Variants in LAMA2 observed in about 807,000 individuals in gnomAD.
The protein encoded by LAMA2 is laminin subunit alpha-2.
In LAMA2, 269 loss-of-function variants were observed where a neutral mutation model predicts 364.8. The observed-to-expected ratio is 0.74, with a 90% CI of 0.67 to 0.82. The LOEUF is 0.82. LAMA2 is among the 40% of genes least tolerant of loss of function. The pLI is 0.00. For synonymous variants in LAMA2, 1,379 were observed against 1,370.6 expected, an observed-to-expected ratio of 1.01 and a Z score of -0.14; for missense variants, 3,807 against 3,873.2, an observed-to-expected ratio of 0.98 and a Z score of 0.45.
At chr6:129,340,023 A>G (rs1776173819) in intron 29 of LAMA2, among the ~76,000 whole-genome samples, 1 of 151,720 alleles carries the variant, frequency 6.6e-6, no homozygotes, top group Non-Finnish European at 1.5e-5. Flanking sequence ...AGAAAGAAAG[A>G]AAAAGAAAGA....
At chr6:129,344,412 A>G (rs1444999401) in intron 30 of LAMA2, among the ~76,000 whole-genome samples, 1 of 152,216 alleles carries the variant, frequency 6.6e-6, no homozygotes, top group Non-Finnish European at 1.5e-5. Flanking sequence ...GGTTACCCCC[A>G]AAAATGGTGG....
chr6:129,491,718 G>A (rs945231605), intron 56 of LAMA2, among the ~76,000 whole-genome samples, 183 bp from the exon 57 acceptor site: 4 of 152,200 alleles, frequency 2.6e-5, no homozygotes, highest in South Asian at 4.1e-4. Context: ...AAGAGTGAAC[G>A]AGGGAGTCAT....
chr6:129,465,865 G>C (rs962081866), intron 51 of LAMA2, among the ~76,000 whole-genome samples: 1 of 151,838 alleles, frequency 6.6e-6, no homozygotes, highest in African/African-American at 2.4e-5. Context: ...CTTTTATGTG[G>C]TCACAGACAT....
intron 58 of LAMA2, among the ~76,000 whole-genome samples, chr6:129,497,033 A>C (rs1785243118): frequency 6.6e-6 from 1 of 152,136 alleles, no homozygotes; most frequent in South Asian, 2.1e-4. Context: ...CTTTAACTTA[A>C]TTATTCTAGT....
chr6:129,360,663 A>G (rs1368901039), intron 32 of LAMA2, among the ~76,000 whole-genome samples: 4 of 152,220 alleles, frequency 2.6e-5, no homozygotes, highest in African/African-American at 7.2e-5. Flanking sequence ...TGGGATAATA[A>G]TAAACCTTTG....
chr6:128,890,542 T>C (rs202208536), intron 1 of LAMA2, among the ~76,000 whole-genome samples: 2 of 147,338 alleles, frequency 1.4e-5, no homozygotes, highest in African/African-American at 5.0e-5. Flanking sequence ...TTCATTTAAA[T>C]ACACACACAC....
chr6:129,403,748 C>A, intron 39 of LAMA2, 73 bp from the exon 40 acceptor site: 1 of 1,402,144 alleles, frequency 7.1e-7, no homozygotes, highest in African/African-American at 1.4e-5. Context: ...AGCCAGATTT[C>A]ATATAATTAG....
intron 1 of LAMA2, among the ~76,000 whole-genome samples, chr6:128,971,275 C>T (rs558858782): frequency 3.9e-5 from 6 of 152,148 alleles, no homozygotes; most frequent in Non-Finnish European, 5.9e-5. Flanking sequence ...AAGTAATGAA[C>T]GTTCTTAAGT....
intron 4 of LAMA2, among the ~76,000 whole-genome samples, chr6:129,139,094 A>G (rs1777968033): frequency 1.3e-5 from 2 of 152,166 alleles, no homozygotes; most frequent in Admixed American, 6.6e-5. Context: ...TCCCAAGAGC[A>G]GTTTCAGTGG....
chr6:129,231,675 G>A (rs1181137628), intron 12 of LAMA2, among the ~76,000 whole-genome samples: 1 of 152,004 alleles, frequency 6.6e-6, no homozygotes, highest in African/African-American at 2.4e-5. Context: ...TTGTCCTTTA[G>A]TTCCTTAAAC....
chr6:129,055,176 T>TTTATTATTATTATTTA (rs1554207590), intron 2 of LAMA2, among the ~76,000 whole-genome samples: 4 of 123,768 alleles, frequency 3.2e-5, no homozygotes, highest in Admixed American at 8.1e-5. Context: ...ATTATTATTA[T>TTTATTATTATTATTTA]TTATTATTAT....
At chr6:129,103,500 T>A (rs1775637835) in intron 4 of LAMA2, among the ~76,000 whole-genome samples, 1 of 152,204 alleles carries the variant, frequency 6.6e-6, no homozygotes, top group African/African-American at 2.4e-5. Flanking sequence ...ATTTCATTTT[T>A]TCTCTTCTGG....
intron 4 of LAMA2, among the ~76,000 whole-genome samples, chr6:129,137,177 C>G (rs1027918972): frequency 2.0e-5 from 3 of 151,844 alleles, no homozygotes; most frequent in Non-Finnish European, 4.4e-5. Context: ...ACAGCACTAC[C>G]TTTCAAGCCA....
chr6:129,172,729 T>C (rs1325043038), intron 9 of LAMA2, among the ~76,000 whole-genome samples: 1 of 152,206 alleles, frequency 6.6e-6, no homozygotes, highest in Non-Finnish European at 1.5e-5. Flanking sequence ...CTGCTTTGTT[T>C]ACCTAATCAA....
chr6:129,183,092 C>T (rs979846243), intron 10 of LAMA2, among the ~76,000 whole-genome samples: 1 of 151,882 alleles, frequency 6.6e-6, no homozygotes, highest in African/African-American at 2.4e-5. Context: ...AGTGCTAGCT[C>T]AAGACACTCA....
At chr6:129,042,931 G>T (rs1318703870) in intron 1 of LAMA2, among the ~76,000 whole-genome samples, 1 of 152,042 alleles carries the variant, frequency 6.6e-6, no homozygotes, top group Non-Finnish European at 1.5e-5. Context: ...GAAACCTAAG[G>T]TGTTTCCAGG....
chr6:129,400,306 C>T (rs1466051436), intron 37 of LAMA2, among the ~76,000 whole-genome samples: 1 of 152,176 alleles, frequency 6.6e-6, no homozygotes, highest in Admixed American at 6.5e-5. Context: ...TTTCAGGGGA[C>T]ACAGACATTC....
chr6:129,056,807 T>A lies in LAMA2; in HGVS notation c.284-2977T>A, dbSNP rs1372188533. On this transcript the variant is annotated intron_variant, in intron 2 of 64. Transcript: ENST00000421865. Reference sequence around the variant, plus strand: ...GTGCAATGGCGTGATCTTGGCTCACTGCAACCTCTACCTCCTGGGTTCAAG... The same window carrying A: ...GTGCAATGGCGTGATCTTGGCTCACAGCAACCTCTACCTCCTGGGTTCAAG... Among the ~76,000 whole-genome samples, 3 of 152,142 alleles carry A rather than the reference T, an allele frequency of 2.0e-5. No homozygotes were observed. In the South Asian group the frequency reaches 6.2e-4, roughly 31 times the overall value.
chr6:129,383,955 A>G (rs1266664782), intron 35 of LAMA2, among the ~76,000 whole-genome samples: 1 of 152,190 alleles, frequency 6.6e-6, no homozygotes, highest in Non-Finnish European at 1.5e-5. Context: ...GCAGTAAAAC[A>G]TTTTTCTTGC....
Sources: gnomAD v4.1 joint callset for allele counts (sites outside exome capture counted in the v4.1 genomes callset) on GRCh38, gnomAD v4.1.1 for gene constraint, MANE v1.5 for transcripts, NCBI Gene and HGNC (gene_info 2026-07-23, HGNC 2026-07-21) for gene names.